Variants in IL31RA observed in about 807,000 individuals in gnomAD.
IL31RA encodes interleukin-31 receptor subunit alpha.
IL31RA carries 66 observed loss-of-function variants against 83.7 expected under a neutral mutation model. The ratio of observed to expected loss-of-function variants is 0.79; its 90% CI spans 0.65 to 0.97. The LOEUF (loss-of-function observed/expected upper bound fraction) is 0.97. Among genes scored for constraint, IL31RA ranks in the 50% least tolerant of loss-of-function variants. The pLI, the probability that IL31RA is intolerant of heterozygous loss-of-function variation, is 0.00. For synonymous variants in IL31RA, 325 were observed against 329.0 expected (o/e 0.99, Z 0.13); for missense variants, 798 against 919.4 (o/e 0.87, Z 1.71).
chr5:55,914,866 T>A lies in IL31RA; in HGVS notation c.1756T>A (p.Trp586Arg). The A allele has an allele frequency of 6.2e-7, 1 of 1,613,498 alleles. No homozygotes were observed. The highest frequency in any genetic ancestry group is 8.5e-7 in the Non-Finnish European group (1 of 1,179,366). Residue 586 changes from tryptophan to arginine, a missense_variant, in exon 14 of 15, where the codon TGG (tryptophan) becomes AGG (arginine). Trp to Arg is a moderately radical substitution (Grantham distance 101). Coordinates refer to ENST00000652347, the MANE Select transcript of IL31RA (RefSeq NM_139017.7). ...CATTAGCAAATTGACTCATCTGTGT[T>A]GGCCCACCGTTCCCAACCCTGCTGA... ...KKPNKLTHLCWPTVPNPAESS... is the reference protein window; with the variant it reads ...KKPNKLTHLCRPTVPNPAESS...
intron 4 of IL31RA, among the ~76,000 whole-genome samples, chr5:55,881,598 T>TCAAC (rs999319391): frequency 4.0e-5 from 6 of 151,842 alleles, no homozygotes; most frequent in Admixed American, 6.6e-5. Flanking sequence ...GTACGCATGC[T>TCAAC]CAACTGAGGC....
chr5:55,921,975 C>A lies in IL31RA; in HGVS notation c.*4855C>A, dbSNP rs374289403. Among the ~76,000 whole-genome samples, 1 of 142,432 alleles carries A rather than the reference C, an allele frequency of 7.0e-6. No individual in the cohort carries two copies. Among genetic ancestry groups the A allele is most frequent in the African/African-American group, 2.6e-5 (1 of 38,404 alleles). 93.4% of individuals were successfully genotyped at this position (142,432 alleles called of 152,430 possible). On this transcript the variant is annotated 3_prime_UTR_variant, in exon 15 of 15. Coordinates refer to ENST00000652347, the MANE Select transcript of IL31RA (RefSeq NM_139017.7). Reference sequence around the variant, plus strand: ...TGGTGTATTTTGTTAATTGTTTCTACGTAAATGTTGATTATTGACAAGCCT... The same window carrying A: ...TGGTGTATTTTGTTAATTGTTTCTAAGTAAATGTTGATTATTGACAAGCCT...
chr5:55,891,597 A>G (rs1359259858), intron 6 of IL31RA, among the ~76,000 whole-genome samples: 4 of 151,938 alleles, frequency 2.6e-5, no homozygotes, highest in African/African-American at 9.7e-5. Context: ...TTGTGTGTCA[A>G]ACCTCTCTGC....
intron 12 of IL31RA, among the ~76,000 whole-genome samples, chr5:55,911,879 G>A (rs1406291030): frequency 1.3e-5 from 2 of 152,170 alleles, no homozygotes; most frequent in Non-Finnish European, 2.9e-5. Context: ...AGCCTCTTAT[G>A]CATCACATTT....
intron 10 of IL31RA, 101 bp downstream of exon 10, chr5:55,907,561 G>A (rs1015250524): frequency 1.0e-5 from 8 of 797,218 alleles, no homozygotes; most frequent in African/African-American, 6.8e-5. Flanking sequence ...AGCCATCTTA[G>A]GGCTCATTTG....
At chr5:55,907,039 G>T (rs995970551) in intron 9 of IL31RA, among the ~76,000 whole-genome samples, 1 of 152,216 alleles carries the variant, frequency 6.6e-6, no homozygotes, top group African/African-American at 2.4e-5. Context: ...TGTTGTTCTA[G>T]AACTTAATTA....
chr5:55,881,432 C>T (rs1010595863), intron 4 of IL31RA, among the ~76,000 whole-genome samples: 1 of 152,126 alleles, frequency 6.6e-6, no homozygotes, highest in Non-Finnish European at 1.5e-5. Flanking sequence ...CCCGTTTGAC[C>T]TTGGACTTTT....
intron 11 of IL31RA, among the ~76,000 whole-genome samples, chr5:55,909,866 A>G (rs1164102198): frequency 6.6e-6 from 1 of 152,096 alleles, no homozygotes; most frequent in East Asian, 1.9e-4. Context: ...CACCACGTCC[A>G]GCTAATTTTG....
chr5:55,910,598 T>C lies in IL31RA; in HGVS notation c.1568T>C (p.Ile523Thr), dbSNP rs1199735756. The change falls in exon 12 of 15, where the codon ATT becomes ACT. Residue 523 changes from isoleucine to threonine, a missense_variant. Ile to Thr is a moderately conservative substitution (Grantham distance 89). Coordinates refer to ENST00000652347, the MANE Select transcript of IL31RA (RefSeq NM_139017.7). ...LESLKRKTSY[I>T]VQVMASTSAG... Reference sequence around the variant, plus strand: ...TCCCTGAAACGAAAGACCTCTTACATTGTTCAGGTCATGGCCAGCACCAGT... The same window carrying C: ...TCCCTGAAACGAAAGACCTCTTACACTGTTCAGGTCATGGCCAGCACCAGT... The C allele has an allele frequency of 6.2e-7, 1 of 1,613,994 alleles. No individual in the cohort carries two copies. The highest frequency in any genetic ancestry group is 8.5e-7 in the Non-Finnish European group (1 of 1,179,968).
intron 4 of IL31RA, among the ~76,000 whole-genome samples, chr5:55,880,720 A>G (rs911882271): frequency 1.3e-5 from 2 of 152,198 alleles, no homozygotes; most frequent in African/African-American, 2.4e-5. Flanking sequence ...GGAAAATTCA[A>G]CCATCATCCA....
chr5:55,905,256 T>C (rs183049616), intron 8 of IL31RA, among the ~76,000 whole-genome samples: 207 of 151,506 alleles, frequency 1.4e-3, no homozygotes, highest in Middle Eastern at 6.9e-3. Context: ...GCTTTTCCCA[T>C]GGATTCGAGT....
At chr5:55,906,406 G>A (rs1274118560) in intron 9 of IL31RA, 118 bp downstream of exon 9, 1 of 949,574 alleles carries the variant, frequency 1.1e-6, no homozygotes, top group East Asian at 2.6e-5. Flanking sequence ...CATTTGTCAA[G>A]CTTGTGCAAG....
At chr5:55,907,221 A>C in intron 9 of IL31RA, 138 bp from the exon 10 acceptor site, 2 of 663,470 alleles carry the variant, frequency 3.0e-6, no homozygotes, top group Non-Finnish European at 5.5e-6. Context: ...ATTCAACCTA[A>C]CCTGTTTATT....
At chr5:55,851,278 T>C, upstream of IL31RA, 1 of 485,712 alleles carries the variant, frequency 2.1e-6, no homozygotes, top group East Asian at 3.8e-5. Flanking sequence ...TTCATCAACA[T>C]TGAACTCATG....
rs914369534 is a variant in IL31RA, at chr5:55,917,515, G to C, written c.*395G>C. ...GCTGGGGCTGAGCCTCAGAGTTCCA[G>C]AAGGCCTTTCCCTGCTGCCAGAGGA... is the stretch of plus-strand genomic sequence containing the variant. On this transcript the variant is annotated 3_prime_UTR_variant, in exon 15 of 15. Coordinates refer to ENST00000652347, the MANE Select transcript of IL31RA (RefSeq NM_139017.7). Among the ~76,000 whole-genome samples, 1 of 152,162 alleles carries C rather than the reference G, an allele frequency of 6.6e-6. No individual in the cohort carries two copies. Among genetic ancestry groups the C allele is most frequent in the Non-Finnish European group, 1.5e-5 (1 of 68,022 alleles).
In IL31RA at chr5:55,920,180, GA is replaced by G. The variant is rs1750020942; in HGVS notation, c.*3065del. ...GAGGAGGCAGGAGATGGGGAGAGATGAAAAAGGAGAGGCCCACAGTATGGAT... is the reference window on the plus strand; with the variant it reads ...GAGGAGGCAGGAGATGGGGAGAGATGAAAAGGAGAGGCCCACAGTATGGAT... On this transcript the variant is annotated 3_prime_UTR_variant, in exon 15 of 15. Transcript: ENST00000652347. Among the ~76,000 whole-genome samples, 1 of 152,186 alleles carries G rather than the reference GA, an allele frequency of 6.6e-6. No individual in the cohort carries two copies. The highest frequency in any genetic ancestry group is 1.5e-5 in the Non-Finnish European group (1 of 68,028).
intron 12 of IL31RA, among the ~76,000 whole-genome samples, 185 bp from the exon 13 acceptor site, chr5:55,913,292 A>C (rs1237330097): frequency 6.6e-6 from 1 of 151,952 alleles, no homozygotes; most frequent in Admixed American, 6.6e-5. Context: ...GGGTTTCACT[A>C]TGTTGGCCAG....
intron 2 of IL31RA, among the ~76,000 whole-genome samples, chr5:55,867,581 T>A (rs1746267806): frequency 1.3e-5 from 2 of 152,156 alleles, no homozygotes; most frequent in Non-Finnish European, 2.9e-5. Flanking sequence ...AATTTAGGTC[T>A]AATATTAATA....
At chr5:55,853,406 C>T (rs1561533402) in intron 1 of IL31RA, 16 of 1,411,116 alleles carry the variant, frequency 1.1e-5, no homozygotes, top group East Asian at 2.6e-5. Context: ...AAGAAAAGCT[C>T]GCAGACAATC....
Sources: gnomAD v4.1 joint callset for allele counts (sites outside exome capture counted in the v4.1 genomes callset) on GRCh38, gnomAD v4.1.1 for gene constraint, MANE v1.5 for transcripts, NCBI Gene and HGNC (gene_info 2026-07-23, HGNC 2026-07-21) for gene names.